Variants in ANKIB1 observed in about 807,000 individuals in gnomAD.
ANKIB1 encodes ankyrin repeat and IBR domain-containing protein 1.
ANKIB1 carries 43 observed loss-of-function variants against 122.1 expected under a neutral mutation model. That is an observed-to-expected ratio of 0.35 (90% CI 0.28 to 0.45). The LOEUF is 0.45. Among genes scored for constraint, ANKIB1 ranks in the 20% least tolerant of loss-of-function variants. The pLI, the probability that ANKIB1 is intolerant of heterozygous loss-of-function variation, is 1.00. For synonymous variants in ANKIB1, 390 were observed against 442.0 expected (o/e 0.88, Z 1.48); for missense variants, 992 against 1,329.5 (o/e 0.75, Z 3.95).
intron 1 of ANKIB1, among the ~76,000 whole-genome samples, chr7:92,290,717 G>A (rs116379258): frequency 0.012 from 1,782 of 152,188 alleles, 35 homozygotes; most frequent in African/African-American, 0.041. Flanking sequence ...TTTAAGTACC[G>A]TTGAGTTTTT....
At chr7:92,381,290 G>A (rs758713937) in intron 11 of ANKIB1, among the ~76,000 whole-genome samples, 1 of 152,150 alleles carries the variant, frequency 6.6e-6, no homozygotes, top group African/African-American at 2.4e-5. Flanking sequence ...GTGACGGGGA[G>A]AATGGAACCA....
chr7:92,289,706 T>G (rs1802207660), intron 1 of ANKIB1, among the ~76,000 whole-genome samples: 2 of 152,252 alleles, frequency 1.3e-5, no homozygotes, highest in Admixed American at 1.3e-4. Context: ...CAATAATGCA[T>G]GCAATAATGC....
intron 1 of ANKIB1, among the ~76,000 whole-genome samples, chr7:92,258,450 T>C (rs1373950603): frequency 1.3e-5 from 2 of 152,302 alleles, no homozygotes; most frequent in East Asian, 3.9e-4. Context: ...ATTCAGTAAG[T>C]CTGAGTGGGA....
In ANKIB1 at chr7:92,309,803, T is replaced by C. The variant is rs533631872; in HGVS notation, c.486+2147T>C. ...AGCCAGGCGTGGTGGCAGGCACCTG[T>C]AGTCCCAGCTGCTTGGGAGGCTGAG... On this transcript the variant is annotated intron_variant, in intron 3 of 19. Transcript: ENST00000265742. Among the ~76,000 whole-genome samples the C allele has an allele frequency of 1.2e-3, 174 of 150,584 alleles. 1 individual carries two copies. Among genetic ancestry groups the C allele is most frequent in the African/African-American group, 4.0e-3 (164 of 41,014 alleles).
intron 4 of ANKIB1, among the ~76,000 whole-genome samples, chr7:92,326,818 A>G (rs1803036373): frequency 6.6e-6 from 1 of 152,176 alleles, no homozygotes. Flanking sequence ...TTAAAAAAAA[A>G]AAATGAGGTC....
chr7:92,345,945 C>T (rs1327031561), intron 7 of ANKIB1, among the ~76,000 whole-genome samples: 1 of 152,098 alleles, frequency 6.6e-6, no homozygotes, highest in African/African-American at 2.4e-5. Flanking sequence ...TAAAGCCACA[C>T]ATTTAAAATA....
intron 7 of ANKIB1, chr7:92,347,819 G>A (rs111386545): frequency 2.9e-4 from 67 of 233,202 alleles, no homozygotes; most frequent in African/African-American, 1.4e-3. Flanking sequence ...ATAAAGTGGT[G>A]ATAATAGTAT....
chr7:92,248,513 T>G (rs1563344386), intron 1 of ANKIB1, among the ~76,000 whole-genome samples: 1 of 152,176 alleles, frequency 6.6e-6, no homozygotes, highest in African/African-American at 2.4e-5. Flanking sequence ...CATATATAAG[T>G]AGATGGAAGA....
At chr7:92,293,141 A>T (rs543894772) in intron 1 of ANKIB1, among the ~76,000 whole-genome samples, 5 of 152,288 alleles carry the variant, frequency 3.3e-5, no homozygotes, top group South Asian at 2.1e-4. Flanking sequence ...AGCCTTTTAT[A>T]CAGTGGTGTC....
intron 7 of ANKIB1, among the ~76,000 whole-genome samples, chr7:92,350,029 G>T (rs1803624991): frequency 6.7e-6 from 1 of 150,042 alleles, no homozygotes; most frequent in Non-Finnish European, 1.5e-5. Flanking sequence ...AGAAAGAAAA[G>T]GAAAGAAAAA....
At chr7:92,275,412 G>C (rs1022127971) in intron 1 of ANKIB1, among the ~76,000 whole-genome samples, 2 of 152,124 alleles carry the variant, frequency 1.3e-5, no homozygotes, top group Non-Finnish European at 2.9e-5. Flanking sequence ...CTGTGAGTTG[G>C]GGTGGTGCTG....
chr7:92,285,476 T>C (rs1802101360), intron 1 of ANKIB1, among the ~76,000 whole-genome samples: 1 of 152,230 alleles, frequency 6.6e-6, no homozygotes, highest in South Asian at 2.1e-4. Flanking sequence ...GTTAGATAAT[T>C]TCTTACAAAT....
chr7:92,352,385 C>T, intron 8 of ANKIB1, 91 bp from the exon 9 acceptor site: 1 of 1,325,862 alleles, frequency 7.5e-7, no homozygotes, highest in Non-Finnish European at 1.0e-6. Context: ...TCTTTCTTTG[C>T]TTTATAGTAA....
chr7:92,308,086 G>A (rs1802605654), intron 3 of ANKIB1, among the ~76,000 whole-genome samples: 1 of 151,808 alleles, frequency 6.6e-6, no homozygotes, highest in South Asian at 2.1e-4. Flanking sequence ...TGGCCAGGAT[G>A]GTCTCCATCT....
rs186094659 is a variant in ANKIB1, at chr7:92,322,018, G to A, written c.669+2506G>A. 2.0e-3 allele frequency among the ~76,000 whole-genome samples: 300 copies of A among 152,216 alleles called. 1 individual carries two copies. Among genetic ancestry groups the A allele is most frequent in the African/African-American group, 5.6e-3 (234 of 41,538 alleles). ...TAGAAAATAACTGAATAACTTGCCAGAATCAAAGTGAGCTGAACTTGATTC... is the reference window on the plus strand; with the variant it reads ...TAGAAAATAACTGAATAACTTGCCAAAATCAAAGTGAGCTGAACTTGATTC... On this transcript the variant is annotated intron_variant, in intron 4 of 19. Coordinates refer to ENST00000265742, the MANE Select transcript of ANKIB1 (RefSeq NM_019004.2).
chr7:92,254,945 G>T (rs1192440553), intron 1 of ANKIB1, among the ~76,000 whole-genome samples: 1 of 152,112 alleles, frequency 6.6e-6, no homozygotes, highest in Non-Finnish European at 1.5e-5. Flanking sequence ...TCTTTCCCGT[G>T]CTGTTCTCAT....
intron 1 of ANKIB1, among the ~76,000 whole-genome samples, chr7:92,253,525 T>G (rs924793686): frequency 2.4e-4 from 36 of 152,254 alleles, no homozygotes; most frequent in African/African-American, 8.2e-4. Flanking sequence ...CCCTGCATCT[T>G]CAGCTAGCTT....
At chr7:92,330,949 G>T (rs1049002797) in intron 5 of ANKIB1, among the ~76,000 whole-genome samples, 1 of 152,122 alleles carries the variant, frequency 6.6e-6, no homozygotes. Flanking sequence ...ACTTTAAATT[G>T]TGTTTCATTA....
intron 1 of ANKIB1, among the ~76,000 whole-genome samples, chr7:92,269,463 G>A (rs187878395): frequency 2.1e-4 from 32 of 152,290 alleles, no homozygotes; most frequent in Admixed American, 1.4e-3. Context: ...GTTACCTTGC[G>A]CTTTCATTCA....
Sources: gnomAD v4.1 joint callset for allele counts (sites outside exome capture counted in the v4.1 genomes callset) on GRCh38, gnomAD v4.1.1 for gene constraint, MANE v1.5 for transcripts, NCBI Gene and HGNC (gene_info 2026-07-23, HGNC 2026-07-21) for gene names.